Variants in NR3C2 observed in about 807,000 individuals in gnomAD.
NR3C2 encodes nuclear receptor subfamily 3 group C member 2.
NR3C2 carries 15 observed loss-of-function variants against 86.4 expected under a neutral mutation model. That is an observed-to-expected ratio of 0.17 (90% confidence interval 0.12 to 0.27). The LOEUF (loss-of-function observed/expected upper bound fraction) is 0.27, where lower values mean the gene tolerates loss of function less well. Ranked by LOEUF, NR3C2 falls within the 10% of genes least tolerant of loss-of-function variation. The pLI is 1.00. For synonymous variants in NR3C2, 458 were observed against 450.5 expected, an observed-to-expected ratio of 1.02 and a Z score of -0.21; for missense variants, 960 against 1,195.6, an observed-to-expected ratio of 0.80 and a Z score of 2.91.
At chr4:148,146,076 AAAG>A (rs1368907636) in intron 6 of NR3C2, among the ~76,000 whole-genome samples, 5 of 152,128 alleles carry the variant, frequency 3.3e-5, no homozygotes, top group Non-Finnish European at 2.9e-5. Context: ...TCTTAACTTG[AAAG>A]AAGAAGGGGA....
chr4:148,171,722 T>C (rs925036599), intron 4 of NR3C2, among the ~76,000 whole-genome samples: 1 of 152,240 alleles, frequency 6.6e-6, no homozygotes, highest in African/African-American at 2.4e-5. Flanking sequence ...TTATAGGTCC[T>C]GCCTGATAAT....
intron 2 of NR3C2, among the ~76,000 whole-genome samples, chr4:148,273,912 G>C (rs993807882): frequency 3.0e-4 from 46 of 152,238 alleles, no homozygotes; most frequent in African/African-American, 1.1e-3. Context: ...AAGGCAGCTG[G>C]TGCAGCTGGG....
At chr4:148,336,850 G>A (rs1329000672) in intron 2 of NR3C2, among the ~76,000 whole-genome samples, 1 of 152,112 alleles carries the variant, frequency 6.6e-6, no homozygotes, top group Non-Finnish European at 1.5e-5. Context: ...TGAGTGTAGT[G>A]GCATGATCAC....
chr4:148,208,624 T>C (rs1426887296), intron 3 of NR3C2: 2 of 151,990 alleles, frequency 1.3e-5, no homozygotes, highest in African/African-American at 4.8e-5. Flanking sequence ...AAATGCAGTC[T>C]CCTCCTACAC....
intron 4 of NR3C2, among the ~76,000 whole-genome samples, chr4:148,187,377 T>C (rs991290721): frequency 4.6e-5 from 7 of 152,086 alleles, no homozygotes; most frequent in Non-Finnish European, 7.4e-5. Flanking sequence ...ACTGTTTTTT[T>C]ATTTTTTGAT....
chr4:148,343,383 C>G (rs984732071), intron 2 of NR3C2, among the ~76,000 whole-genome samples: 1 of 152,076 alleles, frequency 6.6e-6, no homozygotes, highest in Non-Finnish European at 1.5e-5. Flanking sequence ...AGTCCCAAGG[C>G]AGCAGCGGGA....
chr4:148,244,121 T>C (rs779307341), intron 3 of NR3C2, among the ~76,000 whole-genome samples: 3 of 152,198 alleles, frequency 2.0e-5, no homozygotes, highest in Non-Finnish European at 4.4e-5. Context: ...GTGCCTATGA[T>C]CCTATCCTGA....
chr4:148,273,558 G>A (rs1740802537), intron 2 of NR3C2, among the ~76,000 whole-genome samples: 1 of 152,042 alleles, frequency 6.6e-6, no homozygotes, highest in South Asian at 2.1e-4. Context: ...TACCCAAACT[G>A]AAATATAATT....
intron 6 of NR3C2, among the ~76,000 whole-genome samples, chr4:148,143,072 C>G (rs1391845603): frequency 6.6e-6 from 1 of 152,154 alleles, no homozygotes; most frequent in Non-Finnish European, 1.5e-5. Context: ...TATAAATTTC[C>G]CAGTCTCAGG....
chr4:148,105,435 T>C (rs1033498776), intron 8 of NR3C2, among the ~76,000 whole-genome samples: 1 of 152,218 alleles, frequency 6.6e-6, no homozygotes. Flanking sequence ...ACAGCCGAAT[T>C]CTACGGGAGG....
intron 2 of NR3C2, among the ~76,000 whole-genome samples, chr4:148,333,362 T>C (rs1371879013): frequency 6.6e-6 from 1 of 151,776 alleles, no homozygotes; most frequent in Non-Finnish European, 1.5e-5. Flanking sequence ...AGTCTCCCAT[T>C]CCTAGGAAAA....
intron 2 of NR3C2, among the ~76,000 whole-genome samples, chr4:148,391,830 G>A (rs1747588985): frequency 6.9e-6 from 1 of 144,856 alleles, no homozygotes; most frequent in East Asian, 2.1e-4. Flanking sequence ...TTGGGCCACT[G>A]CACTCCAGCC....
At chr4:148,409,789 T>C (rs950896834) in intron 2 of NR3C2, among the ~76,000 whole-genome samples, 4 of 152,130 alleles carry the variant, frequency 2.6e-5, no homozygotes, top group Admixed American at 1.3e-4. Flanking sequence ...CGGTACAATG[T>C]CCCAAAGTAG....
chr4:148,280,931 CCA>C (rs1561016872), intron 2 of NR3C2, among the ~76,000 whole-genome samples: 1 of 152,190 alleles, frequency 6.6e-6, no homozygotes, highest in Admixed American at 6.5e-5. Flanking sequence ...CTTTATTAAA[CCA>C]TGTTTGAGAG....
intron 2 of NR3C2, among the ~76,000 whole-genome samples, chr4:148,431,303 T>C (rs573057574): frequency 2.6e-5 from 4 of 152,116 alleles, no homozygotes; most frequent in African/African-American, 9.7e-5. Context: ...ACCATGAAGC[T>C]AGACTTGAGT....
At chr4:148,252,231 T>C (rs903171083) in intron 3 of NR3C2, among the ~76,000 whole-genome samples, 1 of 152,224 alleles carries the variant, frequency 6.6e-6, no homozygotes, top group Non-Finnish European at 1.5e-5. Flanking sequence ...TTATTATTTT[T>C]AAAAATTAAA....
intron 4 of NR3C2, among the ~76,000 whole-genome samples, chr4:148,169,482 G>A (rs1286359482): frequency 6.6e-6 from 1 of 151,018 alleles, no homozygotes; most frequent in Non-Finnish European, 1.5e-5. Context: ...CAACTCATAA[G>A]GATCAAATAT....
intron 4 of NR3C2, among the ~76,000 whole-genome samples, chr4:148,193,924 T>C (rs1254718227): frequency 6.6e-6 from 1 of 152,224 alleles, no homozygotes; most frequent in Non-Finnish European, 1.5e-5. Flanking sequence ...TAATCTCCCA[T>C]CCCTCCACTG....
chr4:148,425,526 G>A (rs1749487998), intron 2 of NR3C2, among the ~76,000 whole-genome samples: 2 of 152,194 alleles, frequency 1.3e-5, no homozygotes, highest in South Asian at 4.1e-4. Context: ...AGAGGCACCA[G>A]TAAGTACAGA....
Sources: gnomAD v4.1 joint callset for allele counts (sites outside exome capture counted in the v4.1 genomes callset) on GRCh38, gnomAD v4.1.1 for gene constraint, MANE v1.5 for transcripts, NCBI Gene and HGNC (gene_info 2026-07-23, HGNC 2026-07-21) for gene names.